Variants in HS3ST4 observed in about 807,000 individuals in gnomAD.
HS3ST4 encodes heparan sulfate glucosamine 3-O-sulfotransferase 4.
In HS3ST4, 17 loss-of-function variants were observed where a neutral mutation model predicts 29.2. That is an observed-to-expected ratio of 0.58 (90% CI 0.40 to 0.87). HS3ST4 has a LOEUF of 0.87. Ranked by LOEUF, HS3ST4 falls within the 40% of genes least tolerant of loss-of-function variation. HS3ST4 has a pLI of 0.00. For missense variants in HS3ST4, 627 were observed against 634.5 expected, an observed-to-expected ratio of 0.99 and a Z score of 0.13; for synonymous variants, 314 against 285.7, an observed-to-expected ratio of 1.10 and a Z score of -1.00.
At chr16:26,028,553 T>G (rs1268008702) in intron 1 of HS3ST4, among the ~76,000 whole-genome samples, 1 of 152,150 alleles carries the variant, frequency 6.6e-6, no homozygotes, top group Non-Finnish European at 1.5e-5. Flanking sequence ...GTTACAAGCA[T>G]GAGCCACTGT....
At chr16:26,116,717 A>G (rs901204836) in intron 1 of HS3ST4, among the ~76,000 whole-genome samples, 2 of 152,198 alleles carry the variant, frequency 1.3e-5, no homozygotes, top group Non-Finnish European at 2.9e-5. Flanking sequence ...GTTTCTTAAC[A>G]CATTTATTTA....
chr16:26,004,190 A>G (rs1453135571), intron 1 of HS3ST4, among the ~76,000 whole-genome samples: 2 of 152,178 alleles, frequency 1.3e-5, no homozygotes, highest in Non-Finnish European at 2.9e-5. Flanking sequence ...TGCCATCCTG[A>G]CAAATAATAT....
chr16:25,696,649 T>G (rs752089265), intron 1 of HS3ST4, among the ~76,000 whole-genome samples: 4 of 152,144 alleles, frequency 2.6e-5, no homozygotes, highest in Non-Finnish European at 5.9e-5. Context: ...CTTCCATGGT[T>G]TTAAGTTGTC....
intron 1 of HS3ST4, among the ~76,000 whole-genome samples, chr16:25,884,978 T>A (rs961057488): frequency 3.9e-5 from 6 of 152,136 alleles, no homozygotes; most frequent in Non-Finnish European, 8.8e-5. Flanking sequence ...TGCATTTGGT[T>A]GAGTGAGAAG....
chr16:25,820,443 T>C lies in HS3ST4; in HGVS notation c.734+127292T>C, dbSNP rs183475967. ...GGGCTTTCTCTTGTGGTCCAGGCTA[T>C]TGTGCGGTGGTGCAGTCATAGCTCA... On this transcript the variant is annotated intron_variant, in intron 1 of 1. Transcript: ENST00000331351. 1.8e-4 allele frequency among the ~76,000 whole-genome samples: 27 copies of C among 152,214 alleles called. No homozygotes were observed. In the South Asian group the frequency reaches 5.2e-3, roughly 29 times the overall value.
chr16:25,927,989 A>G (rs1211452219), intron 1 of HS3ST4, among the ~76,000 whole-genome samples: 1 of 139,828 alleles, frequency 7.2e-6, no homozygotes, highest in East Asian at 2.1e-4. Context: ...GCTTGAGGAC[A>G]GGAGTTAGAG....
intron 1 of HS3ST4, among the ~76,000 whole-genome samples, chr16:26,007,435 C>T (rs1221748416): frequency 6.6e-6 from 1 of 152,182 alleles, no homozygotes; most frequent in East Asian, 1.9e-4. Context: ...AACTTTGTAA[C>T]AGCCCTGTGC....
chr16:25,762,630 G>A (rs1352317914), intron 1 of HS3ST4, among the ~76,000 whole-genome samples: 2 of 152,062 alleles, frequency 1.3e-5, no homozygotes, highest in Admixed American at 6.6e-5. Flanking sequence ...CACTTGGGAG[G>A]CTGAGGTGGG....
At position 26,136,555 on chromosome 16, in the gene HS3ST4, A is replaced by G; in HGVS notation, c.*307A>G. The stretch of plus-strand genomic sequence containing the variant: ...TGAAGACAGAGGATAAATAGTTGTC[A>G]ATGTCAGAGACAGTGCTATTAATGT... On this transcript the variant is annotated 3_prime_UTR_variant, in exon 2 of 2. Coordinates refer to ENST00000331351, the MANE Select transcript of HS3ST4 (RefSeq NM_006040.3). 1 of 405,274 alleles carries G rather than the reference A, an allele frequency of 2.5e-6. No homozygotes were observed. Among genetic ancestry groups the G allele is most frequent in the Middle Eastern group, 7.3e-4 (1 of 1,364 alleles). The allele number at this position is 405,274 out of a possible 1,614,324, so 25.1% of individuals were successfully genotyped here. A position where few individuals can be genotyped will look rare whatever the true frequency, so the allele number is the denominator to read the frequency against.
At chr16:25,743,696 G>C (rs1248883820) in intron 1 of HS3ST4, among the ~76,000 whole-genome samples, 1 of 152,052 alleles carries the variant, frequency 6.6e-6, no homozygotes, top group East Asian at 1.9e-4. Flanking sequence ...AGTAGAAATG[G>C]GTTTTCACCA....
Position 26,137,199 on chromosome 16 carries a change from G to C in HS3ST4, c.*951G>C, listed in dbSNP as rs187186466. On this transcript the variant is annotated 3_prime_UTR_variant, in exon 2 of 2. Coordinates refer to ENST00000331351, the MANE Select transcript of HS3ST4 (RefSeq NM_006040.3). ...GCACTGTAGTTCTGAGCATGTTTTT[G>C]GGGTGGACTCTGTCCCCTAGGGTCC... 4.2e-4 allele frequency: 64 copies of C among 152,202 alleles called. No homozygotes were observed. Among genetic ancestry groups the C allele is most frequent in the African/African-American group, 1.2e-3 (51 of 41,524 alleles). The allele number at this position is 152,202 out of a possible 1,614,324, so 9.4% of individuals were successfully genotyped here. A position where few individuals can be genotyped will look rare whatever the true frequency, so the allele number is the denominator to read the frequency against.
rs141578568 is a variant in HS3ST4 at position 25,795,477 on chromosome 16, T to G, written c.734+102326T>G. 4.6e-5 allele frequency among the ~76,000 whole-genome samples: 7 copies of G among 152,338 alleles called. No individual in the cohort carries two copies. In the East Asian group the frequency reaches 1.3e-3, roughly 29 times the overall value. ...TTTTTATTTAATTTCAGTTATGTGC[T>G]CAAACTTTCTAACTTCTCATCTATT... On this transcript the variant is annotated intron_variant, in intron 1 of 1. Coordinates refer to ENST00000331351, the MANE Select transcript of HS3ST4 (RefSeq NM_006040.3).
chr16:25,754,714 G>A (rs147451016), intron 1 of HS3ST4, among the ~76,000 whole-genome samples: 18 of 152,052 alleles, frequency 1.2e-4, no homozygotes, highest in Non-Finnish European at 1.9e-4. Context: ...GGACTATCAC[G>A]ATCACAAGAA....
At chr16:25,911,364 G>T (rs1968236286) in intron 1 of HS3ST4, among the ~76,000 whole-genome samples, 1 of 151,988 alleles carries the variant, frequency 6.6e-6, no homozygotes, top group African/African-American at 2.4e-5. Flanking sequence ...CCTGACTGTG[G>T]GCCACTCAGT....
chr16:25,782,942 A>C (rs1220341807), intron 1 of HS3ST4, among the ~76,000 whole-genome samples: 2 of 152,078 alleles, frequency 1.3e-5, no homozygotes, highest in Non-Finnish European at 2.9e-5. Flanking sequence ...TGTCTGTTTC[A>C]GTGGTCTTGG....
At chr16:25,956,548 T>C (rs1464345739) in intron 1 of HS3ST4, among the ~76,000 whole-genome samples, 1 of 152,214 alleles carries the variant, frequency 6.6e-6, no homozygotes, top group Admixed American at 6.5e-5. Context: ...TATGATCTTA[T>C]ACCTAGAAAA....
chr16:25,783,291 C>T (rs117704451), intron 1 of HS3ST4, among the ~76,000 whole-genome samples: 2,688 of 152,220 alleles, frequency 0.018, 40 homozygotes, highest in Non-Finnish European at 0.026. Context: ...TGAATATTTT[C>T]CAGAATGGTT....
intron 1 of HS3ST4, among the ~76,000 whole-genome samples, chr16:25,909,859 T>A (rs549776570): frequency 2.0e-4 from 31 of 152,300 alleles, no homozygotes; most frequent in African/African-American, 6.7e-4. Context: ...ATTTTTTGTT[T>A]GTTAGTTTAG....
At chr16:25,750,617 G>A (rs1966712846) in intron 1 of HS3ST4, among the ~76,000 whole-genome samples, 1 of 152,160 alleles carries the variant, frequency 6.6e-6, no homozygotes, top group South Asian at 2.1e-4. Flanking sequence ...GTACTTGTGA[G>A]CCCAGCCCTT....
Sources: gnomAD v4.1 joint callset for allele counts (sites outside exome capture counted in the v4.1 genomes callset) on GRCh38, gnomAD v4.1.1 for gene constraint, MANE v1.5 for transcripts, NCBI Gene and HGNC (gene_info 2026-07-23, HGNC 2026-07-21) for gene names.